Variants in VPS13B observed in about 807,000 individuals in gnomAD.
VPS13B encodes the protein intermembrane lipid transfer protein VPS13B.
VPS13B carries 285 observed loss-of-function variants against 426.4 expected under a neutral mutation model. The observed-to-expected ratio is 0.67, with a 90% CI of 0.61 to 0.74. The LOEUF is 0.74. VPS13B is among the 30% of genes least tolerant of loss of function. The probability of loss-of-function intolerance (pLI) is 0.00; values close to 1 mark genes in which losing one functional copy is unlikely to be tolerated. For missense variants in VPS13B, 4,537 were observed against 4,782.6 expected (o/e 0.95, Z 1.51); for synonymous variants, 1,676 against 1,676.4 (o/e 1.00, Z 0.01).
At position 99,156,496 on chromosome 8, in the gene VPS13B, A is replaced by G. The variant is rs959584107; in HGVS notation, c.2014-53A>G. ...TGAAGCTTGCATAGAGGGAACTGCA[A>G]CTCAGTCACTGCTCCACTTTTAAAA... On this transcript the variant is annotated intron_variant, in intron 14 of 61. Coordinates refer to ENST00000357162, the MANE Select transcript of VPS13B (RefSeq NM_152564.5). 3.8e-6 allele frequency: 6 copies of G among 1,584,464 alleles called. No homozygotes were observed. In the African/African-American group the frequency reaches 5.4e-5, roughly 14 times the overall value.
chr8:99,820,193 T>A (rs1214565417), intron 49 of VPS13B, 71 bp downstream of exon 49: 1 of 1,453,772 alleles, frequency 6.9e-7, no homozygotes, highest in Non-Finnish European at 9.6e-7. Context: ...AAGTTGCGTT[T>A]ATGATCTTAA....
Position 99,078,394 on chromosome 8 carries a change from A to C in VPS13B, c.292-17918A>C, listed in dbSNP as rs562270270. Among the ~76,000 whole-genome samples the C allele has an allele frequency of 2.1e-3, 316 of 151,764 alleles. 1 individual carries two copies. Among genetic ancestry groups the C allele is most frequent in the Non-Finnish European group, 3.0e-3 (205 of 67,922 alleles). ...GTCTTTGATTCTTGGTGGGTGAAGT[A>C]GTATAGTCTGCATGATTTCTTTGGC... On this transcript the variant is annotated intron_variant, in intron 3 of 61. Coordinates refer to ENST00000357162, the MANE Select transcript of VPS13B (RefSeq NM_152564.5).
At chr8:99,560,926 G>A in intron 31 of VPS13B, among the ~76,000 whole-genome samples, 1 of 152,078 alleles carries the variant, frequency 6.6e-6, no homozygotes, top group East Asian at 1.9e-4. Context: ...ATTTTTCTAG[G>A]AAATTTTATG....
chr8:99,857,008 G>T (rs1012396964), intron 56 of VPS13B, among the ~76,000 whole-genome samples: 1 of 152,172 alleles, frequency 6.6e-6, no homozygotes, highest in African/African-American at 2.4e-5. Context: ...GTCTCAGTTT[G>T]TTGGGAGCCA....
At chr8:99,385,492 A>G (rs892288998) in intron 20 of VPS13B, among the ~76,000 whole-genome samples, 9 of 152,168 alleles carry the variant, frequency 5.9e-5, no homozygotes, top group Non-Finnish European at 1.3e-4. Context: ...ACTTTGTCCT[A>G]ATTTTATTTG....
At position 99,670,735 on chromosome 8, in the gene VPS13B, T is replaced by A. The variant is rs1224252188; in HGVS notation, c.6046+9244T>A. On this transcript the variant is annotated intron_variant, in intron 35 of 61. Transcript: ENST00000357162. ...CATATATAAGTGAAATCATGCAGTT[T>A]TTGTCTATTTCTGTTTGGTTTATTT... Among the ~76,000 whole-genome samples the A allele has an allele frequency of 2.6e-5, 4 of 152,246 alleles. No homozygotes were observed. In the East Asian group the frequency reaches 5.8e-4, roughly 22 times the overall value.
At chr8:99,493,754 C>G (rs1461991776) in intron 25 of VPS13B, among the ~76,000 whole-genome samples, 1 of 145,188 alleles carries the variant, frequency 6.9e-6, no homozygotes, top group East Asian at 2.0e-4. Context: ...TGTACTCCAG[C>G]CTGGGCGACA....
At chr8:99,187,325 G>A (rs1285269689) in intron 16 of VPS13B, among the ~76,000 whole-genome samples, 5 of 151,978 alleles carry the variant, frequency 3.3e-5, no homozygotes, top group Non-Finnish European at 7.4e-5. Flanking sequence ...AAATGAGAAA[G>A]AAAAGAAAAT....
chr8:99,577,740 G>C (rs1474335935), intron 33 of VPS13B, 107 bp downstream of exon 33: 20 of 1,394,008 alleles, frequency 1.4e-5, no homozygotes, highest in Non-Finnish European at 1.9e-5. Context: ...ATTATTCTGT[G>C]TTTAACTTTA....
At chr8:99,509,532 A>G (rs969660183) in intron 28 of VPS13B, among the ~76,000 whole-genome samples, 1 of 152,184 alleles carries the variant, frequency 6.6e-6, no homozygotes, top group African/African-American at 2.4e-5. Context: ...TCCTCTCACC[A>G]TGTCAGTGGG....
intron 19 of VPS13B, among the ~76,000 whole-genome samples, chr8:99,294,894 C>G (rs753251931): frequency 2.6e-5 from 4 of 152,076 alleles, no homozygotes; most frequent in African/African-American, 9.7e-5. Context: ...TTCTACAGAT[C>G]GAAGTAAAAA....
chr8:99,062,402 T>A (rs910086239), intron 3 of VPS13B, among the ~76,000 whole-genome samples: 1 of 152,222 alleles, frequency 6.6e-6, no homozygotes. Context: ...CATTATTCTT[T>A]TCTTTTATTC....
At chr8:99,624,008 T>TATATATATATATA (rs61596072) in intron 33 of VPS13B, among the ~76,000 whole-genome samples, 183 of 71,282 alleles carry the variant, frequency 2.6e-3, no homozygotes, top group African/African-American at 4.5e-3. Context: ...TATATATATA[T>TATATATATATATA]TTTTTTTTTT....
intron 17 of VPS13B, 136 bp downstream of exon 17, chr8:99,193,193 C>T (rs999305397): frequency 2.2e-6 from 2 of 910,864 alleles, no homozygotes; most frequent in Admixed American, 2.6e-5. Context: ...ATATTTATAG[C>T]TTATGTTTAA....
At chr8:99,053,781 C>A (rs1563509359) in intron 3 of VPS13B, among the ~76,000 whole-genome samples, 1 of 150,498 alleles carries the variant, frequency 6.6e-6, no homozygotes, top group East Asian at 2.0e-4. Context: ...CAGTTCACTT[C>A]AACCTCTCCC....
intron 24 of VPS13B, among the ~76,000 whole-genome samples, chr8:99,478,250 GA>G (rs1244004275): frequency 1.3e-5 from 2 of 151,746 alleles, no homozygotes; most frequent in Non-Finnish European, 2.9e-5. Context: ...GTGGAACTGA[GA>G]AAGAACAGAT....
In VPS13B at chr8:99,536,753, A is replaced by G. The variant is rs370517158; in HGVS notation, c.4745+15743A>G. The G allele has an allele frequency of 1.6e-4, 87 of 532,712 alleles. 2 individuals carry two copies. Among genetic ancestry groups the G allele is most frequent in the African/African-American group, 1.4e-3 (74 of 52,064 alleles). The allele number at this position is 532,712 out of a possible 1,614,324, so 33.0% of individuals were successfully genotyped here. A position where few individuals can be genotyped will look rare whatever the true frequency, so the allele number is the denominator to read the frequency against. On this transcript the variant is annotated intron_variant, in intron 30 of 61. Coordinates refer to ENST00000357162, the MANE Select transcript of VPS13B (RefSeq NM_152564.5). ...TTTGGCATTAAACGTATTCCCAGTCATTAAAGTTCTGAATAGAAGTCACGA... is the reference window on the plus strand; with the variant it reads ...TTTGGCATTAAACGTATTCCCAGTCGTTAAAGTTCTGAATAGAAGTCACGA...
intron 17 of VPS13B, among the ~76,000 whole-genome samples, chr8:99,246,035 G>GT (rs1172143541): frequency 6.6e-6 from 1 of 152,090 alleles, no homozygotes; most frequent in Admixed American, 6.5e-5. Context: ...GTTTTGTTTT[G>GT]TTTTTTGAGA....
At chr8:99,071,249 G>A (rs1844835387) in intron 3 of VPS13B, among the ~76,000 whole-genome samples, 1 of 152,178 alleles carries the variant, frequency 6.6e-6, no homozygotes, top group Non-Finnish European at 1.5e-5. Flanking sequence ...GACTTTCCAA[G>A]TGTCTAAAGG....
Sources: gnomAD v4.1 joint callset for allele counts (sites outside exome capture counted in the v4.1 genomes callset) on GRCh38, gnomAD v4.1.1 for gene constraint, MANE v1.5 for transcripts, NCBI Gene and HGNC (gene_info 2026-07-23, HGNC 2026-07-21) for gene names.